Variants in USP15 observed in about 807,000 individuals in gnomAD.
USP15 encodes ubiquitin carboxyl-terminal hydrolase 15.
Under a neutral mutation model 127.1 loss-of-function variants are expected in USP15, and 18 were observed. The ratio of observed to expected loss-of-function variants is 0.14; its 90% CI spans 0.10 to 0.21. The LOEUF is 0.21. Ranked by LOEUF, USP15 falls within the 10% of genes least tolerant of loss-of-function variation. USP15 has a pLI of 1.00. For missense variants in USP15, 805 were observed against 1,159.9 expected (o/e 0.69, Z 4.44); for synonymous variants, 364 against 393.7 (o/e 0.92, Z 0.89).
At chr12:62,394,588 G>A (rs934395826) in intron 19 of USP15, among the ~76,000 whole-genome samples, 1 of 152,140 alleles carries the variant, frequency 6.6e-6, no homozygotes, top group African/African-American at 2.4e-5. Flanking sequence ...AGTGGCTCAC[G>A]CCTGTAATCC....
rs557483739 is a variant in USP15 at position 62,406,262 on chromosome 12, A to G, written c.*1887A>G. 1.3e-5 allele frequency: 2 copies of G among 152,258 alleles called. No individual in the cohort carries two copies. The highest frequency in any genetic ancestry group is 1.3e-4 in the Admixed American group (2 of 15,282). The allele number at this position is 152,258 out of a possible 1,614,324, so 9.4% of individuals were successfully genotyped here. ...CAGAGCAAAATGAATCCTACTATTA[A>G]GGACGTTTTAAAGTTGATTTTTGTC... On this transcript the variant is annotated 3_prime_UTR_variant, in exon 22 of 22. Coordinates refer to ENST00000280377, the MANE Select transcript of USP15 (RefSeq NM_001252078.2).
At chr12:62,330,424 A>G (rs2065255368) in intron 6 of USP15, among the ~76,000 whole-genome samples, 1 of 151,786 alleles carries the variant, frequency 6.6e-6, no homozygotes, top group African/African-American at 2.4e-5. Context: ...CCCCATCTCT[A>G]CTAAAAATAC....
rs369402526 is a variant in USP15 at position 62,382,914 on chromosome 12, A to G, written c.1090-926A>G. 5.9e-5 allele frequency among the ~76,000 whole-genome samples: 9 copies of G among 152,048 alleles called. No individual in the cohort carries two copies. The East Asian group carries it at 1.2e-3, about 20-fold the overall frequency. On this transcript the variant is annotated intron_variant, in intron 9 of 21. Transcript: ENST00000280377. ...TACCAGACATTTATAGGAGGAGGCA[A>G]TAGGAATACCTAAAGCTAAGAATTA...
At chr12:62,309,937 CTG>C (rs1473421855) in intron 3 of USP15, among the ~76,000 whole-genome samples, 3 of 151,262 alleles carry the variant, frequency 2.0e-5, no homozygotes, top group Non-Finnish European at 3.0e-5. Context: ...TCAAGAATAA[CTG>C]TGTTAGAAAT....
At chr12:62,402,261 T>G (rs1259658298) in intron 21 of USP15, among the ~76,000 whole-genome samples, 3 of 151,880 alleles carry the variant, frequency 2.0e-5, no homozygotes, top group African/African-American at 7.3e-5. Context: ...GAGAGAGAGA[T>G]ACACAAAAGA....
intron 1 of USP15, among the ~76,000 whole-genome samples, chr12:62,278,889 C>A (rs1207666775): frequency 1.3e-5 from 2 of 152,062 alleles, no homozygotes; most frequent in African/African-American, 4.8e-5. Flanking sequence ...AAAACAGAAT[C>A]ATCGTATGGA....
At chr12:62,343,113 C>G (rs545764531) in intron 6 of USP15, among the ~76,000 whole-genome samples, 4 of 152,282 alleles carry the variant, frequency 2.6e-5, no homozygotes, top group African/African-American at 7.2e-5. Flanking sequence ...AGATGCCCTG[C>G]CCAGTGAGGA....
rs181865065 is a variant in USP15 at position 62,379,926 on chromosome 12, A to G, written c.916-1564A>G. Among the ~76,000 whole-genome samples, 13 of 152,210 alleles carry G rather than the reference A, an allele frequency of 8.5e-5. No homozygotes were observed. In the East Asian group the frequency reaches 2.5e-3, roughly 29 times the overall value. On this transcript the variant is annotated intron_variant, in intron 8 of 21. Coordinates refer to ENST00000280377, the MANE Select transcript of USP15 (RefSeq NM_001252078.2). ...AGAAACTGAAACTCAAAAGGAGTATAAGATTATGAGAGAGGTTGAGATCTA... is the reference window on the plus strand; with the variant it reads ...AGAAACTGAAACTCAAAAGGAGTATGAGATTATGAGAGAGGTTGAGATCTA...
At chr12:62,387,985 G>A (rs2067205500) in intron 11 of USP15, among the ~76,000 whole-genome samples, 1 of 152,104 alleles carries the variant, frequency 6.6e-6, no homozygotes, top group Non-Finnish European at 1.5e-5. Flanking sequence ...TACCTATGTG[G>A]ATTCAAAGAA....
intron 1 of USP15, among the ~76,000 whole-genome samples, chr12:62,291,911 T>C (rs953109291): frequency 2.0e-5 from 3 of 152,178 alleles, no homozygotes; most frequent in African/African-American, 7.2e-5. Flanking sequence ...TTGTGTGCAT[T>C]TATGTTACCA....
At chr12:62,333,264 TTTG>T (rs879356583) in intron 6 of USP15, among the ~76,000 whole-genome samples, 4 of 152,030 alleles carry the variant, frequency 2.6e-5, no homozygotes, top group Admixed American at 1.3e-4. Flanking sequence ...AAATCTATAA[TTTG>T]TTGTTGTTGT....
chr12:62,322,502 C>A (rs2065011563), intron 5 of USP15, among the ~76,000 whole-genome samples: 1 of 142,190 alleles, frequency 7.0e-6, no homozygotes, highest in South Asian at 2.2e-4. Flanking sequence ...CCTACTGATT[C>A]TATCTTCTAA....
At chr12:62,295,741 A>G (rs1056998575) in intron 2 of USP15, among the ~76,000 whole-genome samples, 11 of 152,192 alleles carry the variant, frequency 7.2e-5, no homozygotes, top group African/African-American at 2.7e-4. Context: ...AGAACCAGCT[A>G]TAACTGCCTA....
intron 20 of USP15, among the ~76,000 whole-genome samples, 198 bp from the exon 21 acceptor site, chr12:62,400,989 A>T (rs2067668269): frequency 6.6e-6 from 1 of 152,120 alleles, no homozygotes; most frequent in African/African-American, 2.4e-5. Flanking sequence ...AGAATGTTTC[A>T]ACTTACATGA....
chr12:62,280,161 GTAA>G (rs199710975), intron 1 of USP15, among the ~76,000 whole-genome samples: 1,828 of 152,148 alleles, frequency 0.012, 18 homozygotes, highest in Non-Finnish European at 0.018. Flanking sequence ...CTTAATAAAG[GTAA>G]TAATTAACCT....
chr12:62,346,972 AC>A (rs918160272), intron 6 of USP15, among the ~76,000 whole-genome samples: 3 of 152,056 alleles, frequency 2.0e-5, no homozygotes, highest in Admixed American at 2.0e-4. Context: ...TTTTTAAATC[AC>A]CTTATGTCAC....
chr12:62,350,495 A>G (rs1158691857), intron 7 of USP15, among the ~76,000 whole-genome samples: 1 of 152,230 alleles, frequency 6.6e-6, no homozygotes, highest in African/African-American at 2.4e-5. Context: ...AAAAAGGAAA[A>G]ATAAATGGAA....
intron 1 of USP15, among the ~76,000 whole-genome samples, chr12:62,290,825 G>T (rs932113050): frequency 2.0e-5 from 3 of 152,036 alleles, no homozygotes; most frequent in Non-Finnish European, 2.9e-5. Flanking sequence ...TTCCCTCAAT[G>T]ATTGTTTTTC....
intron 19 of USP15, among the ~76,000 whole-genome samples, chr12:62,394,101 C>T (rs2067407790): frequency 6.6e-6 from 1 of 152,202 alleles, no homozygotes; most frequent in African/African-American, 2.4e-5. Context: ...CTGTATACAT[C>T]TTCACACTTT....
Sources: allele counts gnomAD v4.1 joint callset (sites outside exome capture counted in the v4.1 genomes callset), GRCh38; gene constraint gnomAD v4.1.1; transcripts MANE v1.5; gene names NCBI Gene and HGNC (gene_info 2026-07-23, HGNC 2026-07-21).